The following ANPEP variants were observed in gnomAD, a reference collection of about 807,000 sequenced individuals.
The protein encoded by ANPEP is alanyl aminopeptidase, membrane.
A neutral mutation model predicts 114.6 loss-of-function variants in ANPEP; 70 were observed. The observed-to-expected ratio is 0.61, with a 90% CI of 0.50 to 0.75. ANPEP has a LOEUF of 0.75. Ranked by LOEUF, ANPEP falls within the 30% of genes least tolerant of loss-of-function variation. ANPEP has a pLI of 0.00. For synonymous variants in ANPEP, 548 were observed against 522.3 expected (o/e 1.05, Z -0.67); for missense variants, 1,184 against 1,259.5 (o/e 0.94, Z 0.91).
chr15:89,808,114 G>C (rs149650256), intron 1 of ANPEP, among the ~76,000 whole-genome samples: 1 of 152,108 alleles, frequency 6.6e-6, no homozygotes, highest in African/African-American at 2.4e-5. Flanking sequence ...CCACAAGCCC[G>C]GGTACAGTCA....
At chr15:89,813,991 T>TGGGGGGG (rs201152904) in intron 1 of ANPEP, among the ~76,000 whole-genome samples, 13 of 111,722 alleles carry the variant, frequency 1.2e-4, no homozygotes, top group South Asian at 5.1e-4. Context: ...ACCGCACTGC[T>TGGGGGGG]GGGGGGGGGG....
Position 89,805,408 on chromosome 15 carries a change from A to T in ANPEP, c.670T>A (p.Phe224Ile). 6.2e-7 allele frequency: 1 copy of T among 1,614,182 alleles called. No homozygotes were observed. Among genetic ancestry groups the T allele is most frequent in the Non-Finnish European group, 8.5e-7 (1 of 1,180,014 alleles). The change falls in exon 3 of 21, where the codon TTC becomes ATC. Residue 224 changes from phenylalanine (F) to isoleucine (I), a missense_variant. Physicochemically the swap from Phe to Ile is conservative, Grantham distance 21 (BLOSUM62 0). Coordinates refer to ENST00000300060, the MANE Select transcript of ANPEP (RefSeq NM_001150.3). ...AADARKSFPC[F>I]DEPAMKAEFN... ...TCGGCCTTCATGGCCGGCTCATCGA[A>T]GCATGGGAAGGACTTCCGGGCATCT...
chr15:89,798,165 C>T (rs981018286), intron 14 of ANPEP, among the ~76,000 whole-genome samples: 5 of 152,234 alleles, frequency 3.3e-5, no homozygotes, highest in Non-Finnish European at 7.3e-5. Flanking sequence ...ACACATTTAG[C>T]TCACAAATGT....
chr15:89,804,680 G>A, intron 4 of ANPEP, 63 bp from the exon 5 acceptor site: 1 of 1,585,024 alleles, frequency 6.3e-7, no homozygotes. Flanking sequence ...AGGTGGGCTG[G>A]GTCCCAGGGC....
intron 3 of ANPEP, 26 bp from the exon 4 acceptor site, chr15:89,805,243 G>C: frequency 6.2e-7 from 1 of 1,614,008 alleles, no homozygotes; most frequent in Non-Finnish European, 8.5e-7. Context: ...GTGTGTGTGA[G>C]GACGTACCCT....
chr15:89,799,477 G>C lies in ANPEP; in HGVS notation c.1902C>G (p.Tyr634Ter), dbSNP rs753539774. The change falls in exon 13 of 21, where the codon TAC (tyrosine) becomes TAG (stop). Residue 634 changes from tyrosine to a stop codon, truncating the protein, a stop_gained. Coordinates refer to ENST00000300060, the MANE Select transcript of ANPEP (RefSeq NM_001150.3). LOFTEE classifies it high-confidence loss of function. This position sits in a 1 kb window ranked among gnomAD's most constrained non-coding sequence, Gnocchi z 4.2. ...GAATCTTCCTCCAGTTCTCTTCGTC[G>C]TAGTTCACCCGGTAATAGCCCGTCA... The part of the protein sequence containing the change: ...LNVTGYYRVN[Y>*]DEENWRKIQT... The C allele has an allele frequency of 6.2e-7, 1 of 1,614,164 alleles. No individual in the cohort carries two copies. The highest frequency in any genetic ancestry group is 1.7e-5 in the Admixed American group (1 of 60,014).
Position 89,806,103 on chromosome 15 carries a change from A to G in ANPEP, c.481T>C (p.Tyr161His). Residue 161 changes from tyrosine (Y) to histidine (H), a missense_variant, in exon 2 of 21, where the codon TAC becomes CAC. Physicochemically the swap from Tyr to His is moderately conservative, Grantham distance 83 (BLOSUM62 2). Coordinates refer to ENST00000300060, the MANE Select transcript of ANPEP (RefSeq NM_001150.3). This position sits in a 1 kb window ranked among gnomAD's most constrained non-coding sequence, Gnocchi z 5.7. ...DKTELVEPTE[Y>H]LVVHLKGSLV... ...GAGCCCTTGAGGTGCACCACCAGGT[A>G]CTCGGTGGGCTCCACCAGCTCAGTC... 1 of 1,613,964 alleles carries G rather than the reference A, an allele frequency of 6.2e-7. No individual in the cohort carries two copies. The highest frequency in any genetic ancestry group is 8.5e-7 in the Non-Finnish European group (1 of 1,179,952).
intron 12 of ANPEP, 70 bp downstream of exon 12, chr15:89,801,041 C>T (rs1399280598): frequency 1.7e-5 from 24 of 1,383,830 alleles, no homozygotes; most frequent in Non-Finnish European, 2.4e-5. Context: ...CCATCACAGC[C>T]CTCAGAACAT....
In ANPEP at chr15:89,799,636, T is replaced by A. The variant is rs1047371272; in HGVS notation, c.1820-77A>T. The A allele has an allele frequency of 1.8e-5, 29 of 1,594,786 alleles. No individual in the cohort carries two copies. The highest frequency in any genetic ancestry group is 7.8e-5 in the South Asian group (7 of 89,662). On this transcript the variant is annotated intron_variant, in intron 12 of 20. Coordinates refer to ENST00000300060, the MANE Select transcript of ANPEP (RefSeq NM_001150.3). This position sits in a 1 kb window ranked among gnomAD's most constrained non-coding sequence, Gnocchi z 4.2. The stretch of plus-strand genomic sequence containing the variant: ...CCCCTGGACCTCTTGCAAGAGCAGC[T>A]GCCCCCGCAGCCTGGCACCACCTCA...
In ANPEP at chr15:89,803,774, A is replaced by G; in HGVS notation, c.1310T>C (p.Leu437Pro). 1 of 1,608,002 alleles carries G rather than the reference A, an allele frequency of 6.2e-7. No homozygotes were observed. The highest frequency in any genetic ancestry group is 8.5e-7 in the Non-Finnish European group (1 of 1,175,514). ...TGCCATCACGCGGTACACATCATTCAGCACCATGAGGTCTTTCTGCAAATT... is the reference window on the plus strand; with the variant it reads ...TGCCATCACGCGGTACACATCATTCGGCACCATGAGGTCTTTCTGCAAATT... ...PTWNLKDLMV[L>P]NDVYRVMAVD... Residue 437 changes from leucine (L) to proline (P), a missense_variant, in exon 8 of 21, where the codon CTG becomes CCG. Physicochemically the swap from Leu to Pro is moderately conservative, Grantham distance 98. Transcript: ENST00000300060. The surrounding 1 kb of genome is among the most constrained non-coding windows in gnomAD (Gnocchi z 4.2).
intron 19 of ANPEP, 107 bp from the exon 20 acceptor site, chr15:89,790,648 A>C: frequency 9.7e-7 from 1 of 1,034,618 alleles, no homozygotes; most frequent in Non-Finnish European, 1.5e-6. Context: ...ATGAAATGAC[A>C]CGCCCTGGGA....
rs112068874 is a variant in ANPEP, at chr15:89,785,327, G to C, written c.*22C>G. 1.5e-3 allele frequency: 2,341 copies of C among 1,613,890 alleles called. 31 individuals carry two copies. The African/African-American group carries it at 0.027, about 19-fold the overall frequency. On this transcript the variant is annotated 3_prime_UTR_variant, in exon 21 of 21. Coordinates refer to ENST00000300060, the MANE Select transcript of ANPEP (RefSeq NM_001150.3). ...CATGTGGGCACCTTGCATGGGGGCCGGGTGACTTCAAGGGCTGGGGACTAT... is the reference window on the plus strand; with the variant it reads ...CATGTGGGCACCTTGCATGGGGGCCCGGTGACTTCAAGGGCTGGGGACTAT...
chr15:89,812,492 G>A (rs1429418754), intron 1 of ANPEP, among the ~76,000 whole-genome samples: 1 of 152,196 alleles, frequency 6.6e-6, no homozygotes, highest in African/African-American at 2.4e-5. Context: ...AAGAACCTCA[G>A]AAGGCCCCAA....
chr15:89,803,858 C>G lies in ANPEP; in HGVS notation c.1293+31G>C, dbSNP rs1324659990. The G allele has an allele frequency of 2.5e-5, 40 of 1,613,908 alleles. No individual in the cohort carries two copies. The Admixed American group carries it at 6.5e-4, about 26-fold the overall frequency. ...GTGGCCCAGGTCTCCCTCCATGCCC[C>G]CCGCACCAGACCCCTGGGCAGCTGG... On this transcript the variant is annotated intron_variant, in intron 7 of 20. Coordinates refer to ENST00000300060, the MANE Select transcript of ANPEP (RefSeq NM_001150.3). This position sits in a 1 kb window ranked among gnomAD's most constrained non-coding sequence, Gnocchi z 4.2.
chr15:89,814,406 G>C (rs1894871072), intron 1 of ANPEP, among the ~76,000 whole-genome samples: 1 of 151,894 alleles, frequency 6.6e-6, no homozygotes, highest in Non-Finnish European at 1.5e-5. Context: ...CAGAGTGGCC[G>C]CGGCCGAGCC....
At position 89,801,194 on chromosome 15, in the gene ANPEP, T is replaced by C. The variant is rs1254125654; in HGVS notation, c.1743-7A>G. 2.5e-6 allele frequency: 4 copies of C among 1,613,938 alleles called. No individual in the cohort carries two copies. The highest frequency in any genetic ancestry group is 1.3e-5 in the African/African-American group (1 of 74,922). ...GGGCACAATCCACACGTAGCTGCAATTAAAGATCCAGAGGTGGTGAGAGAT... is the reference window on the plus strand; with the variant it reads ...GGGCACAATCCACACGTAGCTGCAACTAAAGATCCAGAGGTGGTGAGAGAT... On this transcript the variant is annotated splice_polypyrimidine_tract_variant and splice_region_variant and intron_variant, in intron 11 of 20. Transcript: ENST00000300060.
Position 89,803,671 on chromosome 15 carries a change from C to T in ANPEP, c.1413G>A (p.Leu471=), listed in dbSNP as rs1369179567. The T allele has an allele frequency of 1.9e-6, 3 of 1,612,890 alleles. No homozygotes were observed. The highest frequency in any genetic ancestry group is 2.5e-6 in the Non-Finnish European group (3 of 1,179,454). ...CCTTGCTGTAGGAGATGGCGTCAAA[C>T]AGCTCACTGATCTGGGCCGGCGTGT... is the stretch of plus-strand genomic sequence containing the variant. ...EINTPAQISE[L]FDAISYSKGA... The change falls in exon 8 of 21, where the codon CTG becomes CTA. Residue 471 remains leucine, a synonymous_variant. Coordinates refer to ENST00000300060, the MANE Select transcript of ANPEP (RefSeq NM_001150.3). This position sits in a 1 kb window ranked among gnomAD's most constrained non-coding sequence, Gnocchi z 4.2.
intron 20 of ANPEP, among the ~76,000 whole-genome samples, chr15:89,787,850 G>C (rs562636286): frequency 5.4e-4 from 82 of 152,290 alleles, no homozygotes; most frequent in Middle Eastern, 6.8e-3. Flanking sequence ...ACACAAATGT[G>C]TATAAGGCCA....
intron 1 of ANPEP, among the ~76,000 whole-genome samples, chr15:89,809,634 T>C (rs1244467556): frequency 6.6e-6 from 1 of 152,168 alleles, no homozygotes; most frequent in East Asian, 1.9e-4. Flanking sequence ...AGCCCAGGCC[T>C]GGCCACCTCC....
Sources: allele counts gnomAD v4.1 joint callset (sites outside exome capture counted in the v4.1 genomes callset), GRCh38; gene constraint gnomAD v4.1.1; non-coding constraint Gnocchi (gnomAD v3.1); transcripts MANE v1.5; gene names NCBI Gene and HGNC (gene_info 2026-07-23, HGNC 2026-07-21).